GPHN: variants seen among roughly 807,000 people sequenced by gnomAD.
The protein encoded by GPHN is gephyrin.
A neutral mutation model predicts 95.5 loss-of-function variants in GPHN; 17 were observed. The ratio of observed to expected loss-of-function variants is 0.18; its 90% CI spans 0.12 to 0.27. The LOEUF (loss-of-function observed/expected upper bound fraction) is 0.27. GPHN is among the 10% of genes least tolerant of loss of function. The probability of loss-of-function intolerance (pLI) is 1.00; values close to 1 mark genes in which losing one functional copy is unlikely to be tolerated. For missense variants in GPHN, 660 were observed against 978.1 expected (o/e 0.67, Z 4.34); for synonymous variants, 320 against 322.5 (o/e 0.99, Z 0.08).
chr14:67,621,175 G>C, the GPHN span, among the ~76,000 whole-genome samples: 4 of 152,130 alleles, frequency 2.6e-5, no homozygotes, highest in Non-Finnish European at 5.9e-5. Flanking sequence ...AAGGCAAGGA[G>C]GTAGAGTGAG....
the GPHN span, chr14:67,302,012 T>A: frequency 1.2e-6 from 2 of 1,608,522 alleles, no homozygotes; most frequent in Non-Finnish European, 1.7e-6. Context: ...GAGCAGGAAA[T>A]GCAGCTAGAG....
intron 4 of GPHN, among the ~76,000 whole-genome samples, chr14:66,837,112 A>G (rs2061858212): frequency 1.3e-5 from 2 of 151,662 alleles, no homozygotes; most frequent in South Asian, 2.1e-4. Context: ...CCAAAGGATT[A>G]TAAATCATGC....
chr14:67,165,141 G>A lies in GPHN; in HGVS notation c.1911-21G>A, dbSNP rs1406977557. 5 of 1,564,176 alleles carry A rather than the reference G, an allele frequency of 3.2e-6. No homozygotes were observed. The African/African-American group carries it at 4.1e-5, about 13-fold the overall frequency. On this transcript the variant is annotated intron_variant, in intron 19 of 22. Coordinates refer to ENST00000478722, the MANE Select transcript of GPHN (RefSeq NM_020806.5). ...CATATTGCTTAGCAATCACTAACAA[G>A]TGACTCTTTTTTTCTTCTAGCTTGC...
chr14:66,569,040 C>T (rs908312057), intron 1 of GPHN, among the ~76,000 whole-genome samples: 1 of 152,064 alleles, frequency 6.6e-6, no homozygotes, highest in African/African-American at 2.4e-5. Context: ...AAATCATATT[C>T]AGCACATGAA....
intron 2 of GPHN, among the ~76,000 whole-genome samples, chr14:66,691,463 G>A (rs985086865): frequency 6.6e-6 from 1 of 152,026 alleles, no homozygotes; most frequent in Non-Finnish European, 1.5e-5. Context: ...GATTACAGGT[G>A]TGAGCCACTG....
chr14:67,165,381 C>T (rs1270719966), intron 20 of GPHN, among the ~76,000 whole-genome samples, 155 bp downstream of exon 20: 1 of 152,102 alleles, frequency 6.6e-6, no homozygotes, highest in Non-Finnish European at 1.5e-5. Flanking sequence ...TAGGAAGTTT[C>T]TTCACCTATA....
At chr14:67,577,557 T>C in the GPHN span, 1 of 624,566 alleles carries the variant, frequency 1.6e-6, no homozygotes, top group Non-Finnish European at 2.9e-6. Context: ...ACTTCCTGGA[T>C]GGCAGGAATG....
At chr14:67,300,997 A>G in the GPHN span, among the ~76,000 whole-genome samples, 1 of 152,166 alleles carries the variant, frequency 6.6e-6, no homozygotes, top group African/African-American at 2.4e-5. Flanking sequence ...CAGCCTGACT[A>G]TAACTCTTTA....
At chr14:66,692,922 C>T (rs1483608788) in intron 2 of GPHN, among the ~76,000 whole-genome samples, 1 of 152,058 alleles carries the variant, frequency 6.6e-6, no homozygotes, top group Non-Finnish European at 1.5e-5. Flanking sequence ...CTTATGATTT[C>T]ATAGCTTCAT....
At chr14:67,359,751 T>A in the GPHN span, 2 of 1,607,430 alleles carry the variant, frequency 1.2e-6, no homozygotes, top group Non-Finnish European at 1.7e-6. Context: ...GAGGCTGCAA[T>A]AGCTCCAGAA....
intron 21 of GPHN, among the ~76,000 whole-genome samples, chr14:67,173,119 C>T (rs1310339462): frequency 1.3e-5 from 2 of 152,136 alleles, no homozygotes; most frequent in Non-Finnish European, 2.9e-5. Flanking sequence ...CTGTGGACAA[C>T]CTACACTCAA....
the GPHN span, chr14:67,592,702 T>G: frequency 6.3e-7 from 1 of 1,598,272 alleles, no homozygotes; most frequent in Non-Finnish European, 8.6e-7. Flanking sequence ...GATGCAGAGG[T>G]AGTAAATCAC....
chr14:67,692,469 A>G, the GPHN span: 1 of 1,614,176 alleles, frequency 6.2e-7, no homozygotes, highest in South Asian at 1.1e-5. Flanking sequence ...AAGCTCGAAT[A>G]GACTTAGTAT....
At chr14:66,768,861 G>A (rs1431459317) in intron 2 of GPHN, among the ~76,000 whole-genome samples, 1 of 151,904 alleles carries the variant, frequency 6.6e-6, no homozygotes, top group Non-Finnish European at 1.5e-5. Context: ...GAAGATGAAT[G>A]TTTGAAACAA....
intron 1 of GPHN, among the ~76,000 whole-genome samples, chr14:66,541,404 G>A (rs952559235): frequency 2.0e-5 from 3 of 152,084 alleles, no homozygotes; most frequent in Admixed American, 6.6e-5. Flanking sequence ...TAAAAGTCAA[G>A]AACCAAAAGT....
chr14:67,727,415 ATCTTATC>A, the GPHN span: 24 of 541,318 alleles, frequency 4.4e-5, no homozygotes, highest in Non-Finnish European at 7.3e-5. Context: ...TTTGTGTCAC[ATCTTATC>A]TCTTATCTCA....
At chr14:67,718,751 G>C in the GPHN span, among the ~76,000 whole-genome samples, 1 of 152,154 alleles carries the variant, frequency 6.6e-6, no homozygotes, top group Non-Finnish European at 1.5e-5. Context: ...TATCCTATTG[G>C]TCCCTGGCTT....
chr14:67,697,696 A>G, the GPHN span, among the ~76,000 whole-genome samples: 1 of 119,800 alleles, frequency 8.3e-6, no homozygotes, highest in African/African-American at 2.5e-5. Flanking sequence ...GTTCCATGAG[A>G]GGGCCCTATA....
At chr14:67,030,183 A>T (rs1594870576) in intron 10 of GPHN, among the ~76,000 whole-genome samples, 2 of 152,092 alleles carry the variant, frequency 1.3e-5, no homozygotes, top group Middle Eastern at 6.8e-3. Context: ...TCTGTTGTAG[A>T]TCTTTTCTTA....
Sources: allele counts gnomAD v4.1 joint callset (sites outside exome capture counted in the v4.1 genomes callset), GRCh38; gene constraint gnomAD v4.1.1; transcripts MANE v1.5; gene names NCBI Gene and HGNC (gene_info 2026-07-23, HGNC 2026-07-21).